The following RBFOX3 variants were observed in gnomAD, a reference collection of about 807,000 sequenced individuals.
The protein encoded by RBFOX3 is RNA binding protein fox-1 homolog 3.
RBFOX3 carries 17 observed loss-of-function variants against 48.7 expected under a neutral mutation model. The observed-to-expected ratio is 0.35, with a 90% CI of 0.24 to 0.52. The LOEUF (loss-of-function observed/expected upper bound fraction) is 0.52, where lower values mean the gene tolerates loss of function less well. Ranked by LOEUF, RBFOX3 falls within the 20% of genes least tolerant of loss-of-function variation. The pLI is 0.94. For synonymous variants in RBFOX3, 212 were observed against 209.5 expected, an observed-to-expected ratio of 1.01 and a Z score of -0.10; for missense variants, 382 against 497.5, an observed-to-expected ratio of 0.77 and a Z score of 2.21.
chr17:79,111,626 G>A lies in RBFOX3; in HGVS notation c.222+3868C>T, dbSNP rs962000738. Among the ~76,000 whole-genome samples, 20 of 152,184 alleles carry A rather than the reference G, an allele frequency of 1.3e-4. No homozygotes were observed. Among genetic ancestry groups the A allele is most frequent in the South Asian group, 4.1e-4 (2 of 4,830 alleles). ...AATTTTTGTATTTTTGTAGAGACAG[G>A]GTTCCACCATCTTGGCCAGGCTGGT... On this transcript the variant is annotated intron_variant, in intron 5 of 14. Coordinates refer to ENST00000693108, the MANE Select transcript of RBFOX3 (RefSeq NM_001350451.2). The surrounding 1 kb of genome is among the most constrained non-coding windows in gnomAD (Gnocchi z 4.2).
At chr17:79,149,777 G>C (rs964988143) in intron 4 of RBFOX3, among the ~76,000 whole-genome samples, 1 of 151,382 alleles carries the variant, frequency 6.6e-6, no homozygotes, top group Admixed American at 6.6e-5. Flanking sequence ...GACAGGGCAG[G>C]GCGGCTGCTG....
chr17:79,115,809 G>C, intron 4 of RBFOX3, 61 bp from the exon 5 acceptor site: 2 of 588,874 alleles, frequency 3.4e-6, no homozygotes, highest in Non-Finnish European at 6.0e-6. Context: ...GAGCCCCTGA[G>C]GATGGGGCCT....
intron 2 of RBFOX3, among the ~76,000 whole-genome samples, chr17:79,330,109 A>C (rs1568053153): frequency 6.6e-6 from 1 of 152,134 alleles, no homozygotes; most frequent in East Asian, 1.9e-4. Flanking sequence ...GTGTGTGAGC[A>C]TGTGTGTGTG....
Position 79,477,365 on chromosome 17 carries a change from G to A in RBFOX3, c.-175+5089C>T, listed in dbSNP as rs1176454235. Among the ~76,000 whole-genome samples, 5 of 151,290 alleles carry A rather than the reference G, an allele frequency of 3.3e-5. No individual in the cohort carries two copies. In the South Asian group the frequency reaches 8.4e-4, roughly 25 times the overall value. Reference sequence around the variant, plus strand: ...AGGTCAGGAGATCGAGATCATCCTGGCTAACACGGTGAAACCCCGTCTCTA... The same window carrying A: ...AGGTCAGGAGATCGAGATCATCCTGACTAACACGGTGAAACCCCGTCTCTA... On this transcript the variant is annotated intron_variant, in intron 2 of 14. Coordinates refer to ENST00000693108, the MANE Select transcript of RBFOX3 (RefSeq NM_001350451.2). This position sits in a 1 kb window ranked among gnomAD's most constrained non-coding sequence, Gnocchi z 4.8.
At chr17:79,640,889 G>A in the RBFOX3 span, among the ~76,000 whole-genome samples, 2 of 152,082 alleles carry the variant, frequency 1.3e-5, no homozygotes, top group African/African-American at 2.4e-5. Flanking sequence ...CTTAACATTG[G>A]TCTGGCCAAT....
intron 2 of RBFOX3, among the ~76,000 whole-genome samples, chr17:79,463,277 TCCA>T (rs1396645175): frequency 1.6e-4 from 8 of 49,336 alleles, no homozygotes; most frequent in African/African-American, 5.6e-4. Context: ...CACTGCCACC[TCCA>T]CCACCATCAC....
chr17:79,185,633 C>T lies in RBFOX3; in HGVS notation c.-34+50133G>A, dbSNP rs149158050. Among the ~76,000 whole-genome samples the T allele has an allele frequency of 1.4e-4, 21 of 152,276 alleles. No homozygotes were observed. In the East Asian group the frequency reaches 2.1e-3, roughly 15 times the overall value. On this transcript the variant is annotated intron_variant, in intron 4 of 14. Transcript: ENST00000693108. ...TCGGGACAGCCACATAGCATTCAGCCGAAACCCAGGCTCCAGATCCACCCT... is the reference window on the plus strand; with the variant it reads ...TCGGGACAGCCACATAGCATTCAGCTGAAACCCAGGCTCCAGATCCACCCT...
intron 3 of RBFOX3, among the ~76,000 whole-genome samples, chr17:79,283,698 GC>G (rs2071153629): frequency 2.0e-5 from 3 of 152,182 alleles, no homozygotes; most frequent in African/African-American, 7.2e-5. Flanking sequence ...CCTCTTGTTG[GC>G]AACACTCCTC....
chr17:79,246,049 TTG>T (rs893332025), intron 3 of RBFOX3, among the ~76,000 whole-genome samples: 4 of 149,550 alleles, frequency 2.7e-5, no homozygotes, highest in Non-Finnish European at 4.5e-5. Context: ...ACCTTACTGG[TTG>T]TATCAAAAAG....
At position 79,471,014 on chromosome 17, in the gene RBFOX3, G is replaced by A. The variant is rs1244394436; in HGVS notation, c.-175+11440C>T. 2.0e-5 allele frequency among the ~76,000 whole-genome samples: 3 copies of A among 152,116 alleles called. No homozygotes were observed. The highest frequency in any genetic ancestry group is 2.1e-4 in the South Asian group (1 of 4,814). On this transcript the variant is annotated intron_variant, in intron 2 of 14. Coordinates refer to ENST00000693108, the MANE Select transcript of RBFOX3 (RefSeq NM_001350451.2). This position sits in a 1 kb window ranked among gnomAD's most constrained non-coding sequence, Gnocchi z 4.0. Reference sequence around the variant, plus strand: ...TTCTAGCTCTGTGATGCACCACCACGAAAAAAATAACAGCAGAACCAGCCC... The same window carrying A: ...TTCTAGCTCTGTGATGCACCACCACAAAAAAAATAACAGCAGAACCAGCCC...
At chr17:79,547,360 CAGG>C (rs1195631361) in intron 1 of RBFOX3, among the ~76,000 whole-genome samples, 3 of 152,188 alleles carry the variant, frequency 2.0e-5, no homozygotes, top group Non-Finnish European at 2.9e-5. Flanking sequence ...GAGGCCGAGG[CAGG>C]AGAATTGCTT....
At chr17:79,347,582 G>T (rs1344342789) in intron 2 of RBFOX3, among the ~76,000 whole-genome samples, 1 of 151,750 alleles carries the variant, frequency 6.6e-6, no homozygotes, top group Non-Finnish European at 1.5e-5. Context: ...TTTCTTGGCT[G>T]ATACATCAAG....
At position 79,418,931 on chromosome 17, in the gene RBFOX3, T is replaced by C. The variant is rs1281922900; in HGVS notation, c.-175+63523A>G. Among the ~76,000 whole-genome samples the C allele has an allele frequency of 6.6e-6, 1 of 152,176 alleles. No homozygotes were observed. The highest frequency in any genetic ancestry group is 1.5e-5 in the Non-Finnish European group (1 of 68,030). The stretch of plus-strand genomic sequence containing the variant: ...ATCCTTATTTAATCTATAGCAATTA[T>C]ATTCACATTCTGCTAGACAAATAGA... On this transcript the variant is annotated intron_variant, in intron 2 of 14. Coordinates refer to ENST00000693108, the MANE Select transcript of RBFOX3 (RefSeq NM_001350451.2). This position sits in a 1 kb window ranked among gnomAD's most constrained non-coding sequence, Gnocchi z 5.0.
At chr17:79,161,951 G>A (rs1007063571) in intron 4 of RBFOX3, among the ~76,000 whole-genome samples, 1 of 152,214 alleles carries the variant, frequency 6.6e-6, no homozygotes, top group Non-Finnish European at 1.5e-5. Context: ...AACAGTCGAA[G>A]GAGGCTATGA....
At chr17:79,547,169 C>T (rs901719074) in intron 1 of RBFOX3, among the ~76,000 whole-genome samples, 22 of 152,128 alleles carry the variant, frequency 1.4e-4, no homozygotes, top group Admixed American at 5.9e-4. Context: ...AACTCCCAAG[C>T]GTTCACTTTT....
intron 3 of RBFOX3, among the ~76,000 whole-genome samples, chr17:79,280,243 AC>A (rs2070047439): frequency 1.3e-5 from 2 of 151,786 alleles, no homozygotes; most frequent in Non-Finnish European, 2.9e-5. Context: ...ACATGCACAC[AC>A]ACACACATGC....
At chr17:79,217,829 G>A (rs1341554352) in intron 4 of RBFOX3, among the ~76,000 whole-genome samples, 1 of 152,190 alleles carries the variant, frequency 6.6e-6, no homozygotes, top group Non-Finnish European at 1.5e-5. Flanking sequence ...CACGGCAGAT[G>A]TTCAGATTAA....
intron 1 of RBFOX3, among the ~76,000 whole-genome samples, chr17:79,488,938 A>G (rs2080070985): frequency 6.6e-6 from 1 of 152,244 alleles, no homozygotes; most frequent in South Asian, 2.1e-4. Context: ...GGGGACTCTG[A>G]GACCAGGGGC....
At chr17:79,614,911 T>A (rs916125193), upstream of RBFOX3, among the ~76,000 whole-genome samples, 3 of 151,838 alleles carry the variant, frequency 2.0e-5, no homozygotes, top group East Asian at 5.8e-4. Flanking sequence ...CCGACCCCCA[T>A]AGGGCCCCCA....
Sources: gnomAD v4.1 joint callset for allele counts (sites outside exome capture counted in the v4.1 genomes callset) on GRCh38, gnomAD v4.1.1 for gene constraint, Gnocchi (gnomAD v3.1) non-coding constraint, MANE v1.5 for transcripts, NCBI Gene and HGNC (gene_info 2026-07-23, HGNC 2026-07-21) for gene names.